PVT1: variants seen among roughly 807,000 people sequenced by gnomAD.
PVT1 encodes Pvt1 oncogene, also known as CXCR4/PVT1 fusion.
At chr8:127,813,584 G>A (rs754050677) in intron 2 of PVT1, among the ~76,000 whole-genome samples, 23 of 152,124 alleles carry the variant, frequency 1.5e-4, no homozygotes, top group Non-Finnish European at 3.1e-4. Context: ...ATAACAGACC[G>A]TGTGGCTTGA....
At chr8:128,087,338 T>G (rs1814271313) in intron 5 of PVT1, among the ~76,000 whole-genome samples, 1 of 152,212 alleles carries the variant, frequency 6.6e-6, no homozygotes, top group African/African-American at 2.4e-5. Flanking sequence ...GTCTTTTAAT[T>G]CAGATCTTAA....
intron 2 of PVT1, among the ~76,000 whole-genome samples, chr8:127,887,810 G>A (rs1815542887): frequency 6.6e-6 from 1 of 151,758 alleles, no homozygotes. Context: ...TTACAGGCAT[G>A]AGCCACCACG....
intron 2 of PVT1, among the ~76,000 whole-genome samples, chr8:127,804,993 C>T (rs572463659): frequency 6.1e-5 from 9 of 147,676 alleles, no homozygotes; most frequent in African/African-American, 1.0e-4. Flanking sequence ...GGCAATGGCG[C>T]GATCTCGGCT....
intron 4 of PVT1, among the ~76,000 whole-genome samples, chr8:128,030,655 G>A (rs1172552767): frequency 6.6e-6 from 1 of 152,210 alleles, no homozygotes. Context: ...TAAGAACAGG[G>A]ACTGTGTGCC....
chr8:127,909,430 TA>T (rs1815864231), intron 3 of PVT1, among the ~76,000 whole-genome samples: 1 of 152,256 alleles, frequency 6.6e-6, no homozygotes, highest in Non-Finnish European at 1.5e-5. Flanking sequence ...CTTTGTGCCT[TA>T]CCAGCCTGTG....
intron 2 of PVT1, among the ~76,000 whole-genome samples, chr8:127,808,650 C>T (rs1814555689): frequency 6.6e-6 from 1 of 152,072 alleles, no homozygotes; most frequent in Non-Finnish European, 1.5e-5. Flanking sequence ...GACTGAATTA[C>T]AGCAATCCAA....
chr8:128,025,958 T>C (rs1462912222), intron 4 of PVT1, among the ~76,000 whole-genome samples: 1 of 152,080 alleles, frequency 6.6e-6, no homozygotes, highest in Non-Finnish European at 1.5e-5. Flanking sequence ...CTCCTTTTTT[T>C]TTTTTTCTTT....
intron 3 of PVT1, among the ~76,000 whole-genome samples, chr8:127,952,308 C>T (rs1816515141): frequency 6.6e-6 from 1 of 152,216 alleles, no homozygotes; most frequent in Non-Finnish European, 1.5e-5. Context: ...GTTTCACTGT[C>T]TCAGCAGAGC....
In PVT1 at chr8:127,892,164, G is replaced by T. The variant is rs141592755; in HGVS notation, n.782+1166G>T. ...GCTCATGCCTGACAGCACTTTCTCA[G>T]ACAGGCTTCCCTGACCTCCTAAGGT... On this transcript the variant is annotated intron_variant and non_coding_transcript_variant, in intron 3 of 10. Coordinates refer to ENST00000651587, the Ensembl canonical transcript of PVT1. 1.6e-4 allele frequency among the ~76,000 whole-genome samples: 25 copies of T among 152,330 alleles called. No homozygotes were observed. The East Asian group carries it at 4.2e-3, about 26-fold the overall frequency.
chr8:128,067,745 C>T (rs980501092), intron 4 of PVT1, among the ~76,000 whole-genome samples: 4 of 151,922 alleles, frequency 2.6e-5, no homozygotes, highest in Admixed American at 2.0e-4. Context: ...CTGTGACCAG[C>T]GACCAGGGAG....
intron 3 of PVT1, among the ~76,000 whole-genome samples, chr8:127,952,627 A>G (rs189454509): frequency 6.6e-6 from 1 of 152,212 alleles, no homozygotes; most frequent in East Asian, 1.9e-4. Context: ...TTTTTTCTCC[A>G]TTGGCTTTAT....
intron 2 of PVT1, among the ~76,000 whole-genome samples, chr8:127,800,096 C>G (rs1475405338): frequency 6.6e-6 from 1 of 152,182 alleles, no homozygotes; most frequent in Non-Finnish European, 1.5e-5. Flanking sequence ...TTCTCCCTCC[C>G]TGGGATGGTG....
intron 3 of PVT1, among the ~76,000 whole-genome samples, chr8:127,955,730 G>A (rs1490662957): frequency 1.3e-5 from 2 of 151,982 alleles, no homozygotes; most frequent in African/African-American, 4.8e-5. Context: ...TTACAGGCAC[G>A]TTCCACCATA....
At chr8:127,825,516 G>A (rs1814777398) in intron 2 of PVT1, among the ~76,000 whole-genome samples, 1 of 152,148 alleles carries the variant, frequency 6.6e-6, no homozygotes. Flanking sequence ...TTTGCTGCGT[G>A]GAAAATGAGA....
chr8:128,075,884 G>A (rs1020101231), intron 5 of PVT1, among the ~76,000 whole-genome samples: 4 of 152,068 alleles, frequency 2.6e-5, no homozygotes, highest in African/African-American at 4.8e-5. Context: ...CGCTTCTCTT[G>A]TATAAGTTGA....
At position 127,959,989 on chromosome 8, in the gene PVT1, G is replaced by A. The variant is rs371263462; in HGVS notation, n.783-29173G>A. Among the ~76,000 whole-genome samples, 6 of 152,276 alleles carry A rather than the reference G, an allele frequency of 3.9e-5. No individual in the cohort carries two copies. In the East Asian group the frequency reaches 5.8e-4, roughly 15 times the overall value. On this transcript the variant is annotated intron_variant and non_coding_transcript_variant, in intron 3 of 10. Coordinates refer to ENST00000651587, the Ensembl canonical transcript of PVT1. ...TCTGCACTTACTTCTGGCCTTCCCC[G>A]GATGCAGTATGTGATTCCTGGAAGG...
rs182932362 is a variant in PVT1 at position 127,839,627 on chromosome 8, T to A, written n.372+43556T>A. On this transcript the variant is annotated intron_variant and non_coding_transcript_variant, in intron 2 of 10. Transcript: ENST00000651587. The stretch of plus-strand genomic sequence containing the variant: ...AATAATTAAAAAAAGAGCTGGGACT[T>A]GAAGCCAGATAATAAGGCAGGCAGA... Among the ~76,000 whole-genome samples, 128 of 150,430 alleles carry A rather than the reference T, an allele frequency of 8.5e-4. 1 individual carries two copies. The highest frequency in any genetic ancestry group is 2.9e-3 in the African/African-American group (117 of 41,036).
intron 3 of PVT1, chr8:127,940,387 G>C (rs984434682): frequency 6.6e-6 from 1 of 152,104 alleles, no homozygotes; most frequent in Non-Finnish European, 1.5e-5. Context: ...CAGAACGGCA[G>C]GGCCAGAGGT....
At chr8:128,015,590 T>G (rs112222474) in intron 4 of PVT1, among the ~76,000 whole-genome samples, 1 of 151,856 alleles carries the variant, frequency 6.6e-6, no homozygotes, top group East Asian at 1.9e-4. Flanking sequence ...CTGGCCAACA[T>G]GGTGAAACCC....
Sources: allele counts gnomAD v4.1 joint callset (sites outside exome capture counted in the v4.1 genomes callset), GRCh38; gene constraint gnomAD v4.1.1; transcripts MANE v1.5; gene names NCBI Gene and HGNC (gene_info 2026-07-23, HGNC 2026-07-21).